BBX: variants seen among roughly 807,000 people sequenced by gnomAD.
BBX encodes HMG box transcription factor BBX.
BBX carries 30 observed loss-of-function variants against 100.2 expected under a neutral mutation model. The observed-to-expected ratio is 0.30, with a 90% CI of 0.22 to 0.41. The LOEUF (loss-of-function observed/expected upper bound fraction) is 0.41. BBX is among the 10% of genes least tolerant of loss of function. The pLI, the probability that BBX is intolerant of heterozygous loss-of-function variation, is 1.00. For synonymous variants in BBX, 376 were observed against 388.1 expected (o/e 0.97, Z 0.37); for missense variants, 1,023 against 1,129.8 (o/e 0.91, Z 1.35).
intron 2 of BBX, among the ~76,000 whole-genome samples, chr3:107,642,656 A>C (rs1303253527): frequency 4.6e-5 from 7 of 152,242 alleles, no homozygotes; most frequent in Non-Finnish European, 7.4e-5. Context: ...CCCCTTTTTA[A>C]GGTATGAAAG....
At chr3:107,760,083 A>G (rs2065777041) in intron 10 of BBX, among the ~76,000 whole-genome samples, 1 of 152,210 alleles carries the variant, frequency 6.6e-6, no homozygotes, top group African/African-American at 2.4e-5. Flanking sequence ...CACATTAGGA[A>G]ACCAAAAGCT....
At chr3:107,712,760 G>A (rs1494495) in intron 4 of BBX, among the ~76,000 whole-genome samples, 86 of 152,256 alleles carry the variant, frequency 5.6e-4, no homozygotes, top group African/African-American at 1.8e-3. Flanking sequence ...CCAGTTGTGC[G>A]GCTCCTGTTT....
At chr3:107,733,166 T>C in intron 7 of BBX, 143 bp downstream of exon 7, 1 of 713,416 alleles carries the variant, frequency 1.4e-6, no homozygotes, top group Non-Finnish European at 2.3e-6. Flanking sequence ...AAGATCTTTC[T>C]GTGTGTCTTG....
In BBX at chr3:107,807,562, A is replaced by C. The variant is rs1033173810; in HGVS notation, c.*2105A>C. ...CAACAACAAAAATTGTATGGTGCGG[A>C]ACATGCACCTTGACAATGGTACTAA... On this transcript the variant is annotated 3_prime_UTR_variant, in exon 18 of 18. Coordinates refer to ENST00000325805, the MANE Select transcript of BBX (RefSeq NM_001142568.3). 1 of 152,176 alleles carries C rather than the reference A, an allele frequency of 6.6e-6. No individual in the cohort carries two copies. Among genetic ancestry groups the C allele is most frequent in the African/African-American group, 2.4e-5 (1 of 41,442 alleles). The allele number at this position is 152,176 out of a possible 1,614,324, so 9.4% of individuals were successfully genotyped here.
chr3:107,641,493 A>G (rs554408445), intron 2 of BBX, among the ~76,000 whole-genome samples: 1 of 152,362 alleles, frequency 6.6e-6, no homozygotes, highest in South Asian at 2.1e-4. Context: ...GAACCAATGA[A>G]TGCTGGAGTT....
Position 107,732,966 on chromosome 3 carries a change from A to G in BBX, c.612A>G (p.Gln204=), listed in dbSNP as rs2063402085. The change falls in exon 7 of 18, where the codon CAA becomes CAG. Residue 204 remains glutamine (Q), a synonymous_variant. Transcript: ENST00000325805. ...QLNFGMADPT[Q]MGGLSMLLLA... is the part of the protein sequence containing the mutation. ...TTTTGACTTATTTAGATCCTACTCAAATGGGAGGCCTGAGTATGCTGCTGT... is the reference window on the plus strand; with the variant it reads ...TTTTGACTTATTTAGATCCTACTCAGATGGGAGGCCTGAGTATGCTGCTGT... The G allele has an allele frequency of 1.9e-6, 3 of 1,613,010 alleles. No individual in the cohort carries two copies. In the South Asian group the frequency reaches 3.3e-5, roughly 18 times the overall value.
At chr3:107,577,415 GA>G (rs1288545554) in intron 2 of BBX, among the ~76,000 whole-genome samples, 1 of 152,138 alleles carries the variant, frequency 6.6e-6, no homozygotes, top group Non-Finnish European at 1.5e-5. Flanking sequence ...GGAATGGAAG[GA>G]AAGATTGGAA....
chr3:107,740,123 C>T (rs1340243827), intron 7 of BBX, among the ~76,000 whole-genome samples: 5 of 151,884 alleles, frequency 3.3e-5, no homozygotes, highest in Non-Finnish European at 7.4e-5. Context: ...TTATGCCCCC[C>T]GTGGCGGCCC....
intron 2 of BBX, among the ~76,000 whole-genome samples, chr3:107,618,729 T>C (rs561731507): frequency 2.6e-5 from 4 of 152,212 alleles, no homozygotes; most frequent in African/African-American, 4.8e-5. Context: ...TAATAATTTC[T>C]AATTTTATGC....
At chr3:107,750,185 A>G (rs2064968146) in intron 9 of BBX, among the ~76,000 whole-genome samples, 1 of 152,156 alleles carries the variant, frequency 6.6e-6, no homozygotes, top group African/African-American at 2.4e-5. Context: ...TACTTGGAGG[A>G]GAGAGTCATG....
intron 16 of BBX, among the ~76,000 whole-genome samples, chr3:107,800,053 T>C (rs2070266284): frequency 6.6e-6 from 1 of 152,198 alleles, no homozygotes; most frequent in African/African-American, 2.4e-5. Flanking sequence ...TGCACTTCTT[T>C]TGTGTGTTTT....
chr3:107,785,607 A>G (rs2068332192), intron 13 of BBX, among the ~76,000 whole-genome samples: 1 of 151,866 alleles, frequency 6.6e-6, no homozygotes, highest in Non-Finnish European at 1.5e-5. Context: ...GATCTAGGAA[A>G]AGCATTTGAT....
intron 3 of BBX, among the ~76,000 whole-genome samples, chr3:107,657,391 C>G (rs930717894): frequency 6.6e-6 from 1 of 152,148 alleles, no homozygotes; most frequent in Non-Finnish European, 1.5e-5. Context: ...ATTCCTACTA[C>G]TATTTAGCCT....
intron 2 of BBX, among the ~76,000 whole-genome samples, chr3:107,642,760 A>G (rs560649948): frequency 6.6e-6 from 1 of 152,218 alleles, no homozygotes; most frequent in East Asian, 1.9e-4. Flanking sequence ...TACTCTATAA[A>G]TGGAGAGGCA....
intron 2 of BBX, among the ~76,000 whole-genome samples, chr3:107,557,675 C>G (rs1324570613): frequency 6.6e-6 from 1 of 152,206 alleles, no homozygotes. Flanking sequence ...CCTGCAGCAG[C>G]TCTTAGTGTT....
intron 3 of BBX, among the ~76,000 whole-genome samples, chr3:107,656,745 A>G (rs1234933335): frequency 2.0e-5 from 3 of 152,200 alleles, no homozygotes; most frequent in Admixed American, 1.3e-4. Flanking sequence ...AATATTTACT[A>G]ATTATCATGT....
intron 2 of BBX, among the ~76,000 whole-genome samples, chr3:107,615,460 G>T (rs968950766): frequency 3.9e-5 from 6 of 152,122 alleles, no homozygotes; most frequent in African/African-American, 1.2e-4. Context: ...GATTTTTTTT[G>T]ATGAGTCCTT....
rs369837058 is a variant in BBX, at chr3:107,797,337, A to AATATATATATAT, written c.2354-1170_2354-1159dup. On this transcript the variant is annotated intron_variant, in intron 15 of 17. Coordinates refer to ENST00000325805, the MANE Select transcript of BBX (RefSeq NM_001142568.3). Reference sequence around the variant, plus strand: ...TCCTCTTAGTTTAGCTTTTCTTCCAAATATATATATATATATATATATATA... The same window carrying AATATATATATAT: ...TCCTCTTAGTTTAGCTTTTCTTCCAAATATATATATATATATATATATATATATATATATATA... Among the ~76,000 whole-genome samples, 372 of 39,296 alleles carry AATATATATATAT rather than the reference A, an allele frequency of 9.5e-3. 34 individuals carry two copies. The highest frequency in any genetic ancestry group is 0.013 in the East Asian group (8 of 636). The allele number at this position is 39,296 out of a possible 152,430, so 25.8% of individuals were successfully genotyped here.
At chr3:107,737,061 G>C (rs1231262752) in intron 7 of BBX, among the ~76,000 whole-genome samples, 2 of 151,942 alleles carry the variant, frequency 1.3e-5, no homozygotes, top group East Asian at 3.9e-4. Context: ...TCTTTTCTTT[G>C]CCTTCCATCC....
Sources: gnomAD v4.1 joint callset for allele counts (sites outside exome capture counted in the v4.1 genomes callset) on GRCh38, gnomAD v4.1.1 for gene constraint, MANE v1.5 for transcripts, NCBI Gene and HGNC (gene_info 2026-07-23, HGNC 2026-07-21) for gene names.